TEAD1: variants seen among roughly 807,000 people sequenced by gnomAD.
TEAD1 encodes the protein TEA domain transcription factor 1.
A neutral mutation model predicts 54.9 loss-of-function variants in TEAD1; 9 were observed. That is an observed-to-expected ratio of 0.16 (90% CI 0.10 to 0.29). The LOEUF (loss-of-function observed/expected upper bound fraction) is 0.29, where lower values mean the gene tolerates loss of function less well. Among genes scored for constraint, TEAD1 ranks in the 10% least tolerant of loss-of-function variants. The pLI is 1.00. For missense variants in TEAD1, 387 were observed against 535.9 expected (o/e 0.72, Z 2.74); for synonymous variants, 200 against 187.8 (o/e 1.07, Z -0.53).
intron 2 of TEAD1, among the ~76,000 whole-genome samples, chr11:12,681,392 A>C (rs1231732629): frequency 6.6e-6 from 1 of 152,226 alleles, no homozygotes; most frequent in Non-Finnish European, 1.5e-5. Context: ...CCTTAGCCGT[A>C]AAATGCAAAA....
At chr11:12,680,184 G>A (rs1317930687) in intron 2 of TEAD1, among the ~76,000 whole-genome samples, 1 of 152,114 alleles carries the variant, frequency 6.6e-6, no homozygotes, top group African/African-American at 2.4e-5. Context: ...GAAGGGAGTC[G>A]TCTTTGACGG....
chr11:12,720,585 CTCAT>C (rs1944174030), intron 2 of TEAD1, among the ~76,000 whole-genome samples: 1 of 152,162 alleles, frequency 6.6e-6, no homozygotes. Flanking sequence ...AGGTGAAGGT[CTCAT>C]TGTCAGAAAA....
chr11:12,894,951 A>G (rs1377177411), intron 9 of TEAD1, among the ~76,000 whole-genome samples: 2 of 152,214 alleles, frequency 1.3e-5, no homozygotes, highest in African/African-American at 2.4e-5. Flanking sequence ...TAGTTCTACT[A>G]AGTATACATA....
At chr11:12,680,791 C>T (rs930984849) in intron 2 of TEAD1, among the ~76,000 whole-genome samples, 7 of 152,170 alleles carry the variant, frequency 4.6e-5, no homozygotes, top group African/African-American at 1.4e-4. Flanking sequence ...CACATGCCGC[C>T]GCTGCTGGGT....
chr11:12,821,333 G>C (rs988525745), intron 3 of TEAD1, among the ~76,000 whole-genome samples: 4 of 152,174 alleles, frequency 2.6e-5, no homozygotes, highest in Non-Finnish European at 5.9e-5. Flanking sequence ...CTTGCCCTGT[G>C]ACCCTGTTCT....
At chr11:12,883,271 T>C in intron 9 of TEAD1, 146 bp downstream of exon 9, 1 of 1,328,552 alleles carries the variant, frequency 7.5e-7, no homozygotes, top group Non-Finnish European at 1.1e-6. Flanking sequence ...AAGAATAGCC[T>C]TTTGATTAAG....
chr11:12,681,018 A>G (rs1311540791), intron 2 of TEAD1, among the ~76,000 whole-genome samples: 1 of 152,138 alleles, frequency 6.6e-6, no homozygotes, highest in East Asian at 1.9e-4. Context: ...TTGTGAGCCG[A>G]TGCTTCCTTT....
intron 12 of TEAD1, among the ~76,000 whole-genome samples, chr11:12,932,947 AC>A (rs936774158): frequency 7.2e-5 from 11 of 152,224 alleles, no homozygotes; most frequent in African/African-American, 2.6e-4. Context: ...AAAAATACTT[AC>A]CATTGTGTTG....
At chr11:12,890,293 G>A (rs559005439) in intron 9 of TEAD1, among the ~76,000 whole-genome samples, 205 of 152,280 alleles carry the variant, frequency 1.3e-3, no homozygotes, top group Non-Finnish European at 2.5e-3. Flanking sequence ...AGCTCCCCAA[G>A]CAAGGCCAGA....
chr11:12,858,750 C>T (rs781392296), intron 3 of TEAD1, among the ~76,000 whole-genome samples: 3 of 152,168 alleles, frequency 2.0e-5, no homozygotes, highest in Non-Finnish European at 4.4e-5. Context: ...AATGCCCAGG[C>T]CACAGTACTC....
intron 2 of TEAD1, among the ~76,000 whole-genome samples, chr11:12,679,885 A>G (rs536147702): frequency 1.3e-5 from 2 of 152,336 alleles, no homozygotes; most frequent in African/African-American, 4.8e-5. Context: ...GAATATTAAG[A>G]AAGAGACTGT....
intron 3 of TEAD1, among the ~76,000 whole-genome samples, chr11:12,783,931 C>T (rs1023266178): frequency 2.0e-5 from 3 of 152,018 alleles, no homozygotes; most frequent in Non-Finnish European, 4.4e-5. Context: ...GCAGCATATA[C>T]ACAGGAAGGG....
chr11:12,816,869 A>T (rs1377637015), intron 3 of TEAD1, among the ~76,000 whole-genome samples: 1 of 152,114 alleles, frequency 6.6e-6, no homozygotes, highest in African/African-American at 2.4e-5. Flanking sequence ...AATGTAGAGA[A>T]CCTACAACTG....
intron 10 of TEAD1, among the ~76,000 whole-genome samples, chr11:12,902,644 C>A (rs1948445267): frequency 6.6e-6 from 1 of 152,148 alleles, no homozygotes; most frequent in South Asian, 2.1e-4. Context: ...GATTGGGGCA[C>A]CAGATAACCT....
intron 11 of TEAD1, among the ~76,000 whole-genome samples, chr11:12,929,221 A>G (rs2134168597): frequency 7.2e-6 from 1 of 139,430 alleles, no homozygotes; most frequent in East Asian, 2.3e-4. Flanking sequence ...GGTTATGTGA[A>G]ATAATCTCTT....
At chr11:12,745,648 T>TA (rs1482776683) in intron 2 of TEAD1, among the ~76,000 whole-genome samples, 1 of 151,400 alleles carries the variant, frequency 6.6e-6, no homozygotes, top group Non-Finnish European at 1.5e-5. Context: ...GGCTGTGTCT[T>TA]ATAATACGTG....
chr11:12,764,458 T>A, intron 3 of TEAD1, 24 bp downstream of exon 3: 1 of 1,613,154 alleles, frequency 6.2e-7, no homozygotes, highest in Middle Eastern at 1.7e-4. Flanking sequence ...AACACTCCTT[T>A]GAAATACTAC....
intron 3 of TEAD1, among the ~76,000 whole-genome samples, chr11:12,805,546 C>T (rs1485576385): frequency 6.6e-6 from 1 of 152,124 alleles, no homozygotes; most frequent in East Asian, 1.9e-4. Context: ...TGATGTAGAA[C>T]CACTAGAATT....
At chr11:12,892,314 C>A (rs1365860160) in intron 9 of TEAD1, among the ~76,000 whole-genome samples, 1 of 151,912 alleles carries the variant, frequency 6.6e-6, no homozygotes, top group East Asian at 1.9e-4. Flanking sequence ...GATGGCTGTG[C>A]ATGGGGGATT....
Sources: allele counts gnomAD v4.1 joint callset (sites outside exome capture counted in the v4.1 genomes callset), GRCh38; gene constraint gnomAD v4.1.1; transcripts MANE v1.5; gene names NCBI Gene and HGNC (gene_info 2026-07-23, HGNC 2026-07-21).